Variants in AK4 observed in about 807,000 individuals in gnomAD.
AK4 encodes the protein adenylate kinase 4, mitochondrial.
A neutral mutation model predicts 24.6 loss-of-function variants in AK4; 13 were observed. The observed-to-expected ratio is 0.53, with a 90% CI of 0.34 to 0.84. The LOEUF (loss-of-function observed/expected upper bound fraction) is 0.84, where lower values mean the gene tolerates loss of function less well. AK4 is among the 40% of genes least tolerant of loss of function. The probability of loss-of-function intolerance (pLI) is 0.01; values close to 1 mark genes in which losing one functional copy is unlikely to be tolerated. For synonymous variants in AK4, 88 were observed against 107.0 expected, an observed-to-expected ratio of 0.82 and a Z score of 1.10; for missense variants, 192 against 288.2, an observed-to-expected ratio of 0.67 and a Z score of 2.42.
chr1:65,150,136 T>C (rs1033851627), intron 1 of AK4, among the ~76,000 whole-genome samples: 1 of 152,184 alleles, frequency 6.6e-6, no homozygotes, highest in Non-Finnish European at 1.5e-5. Flanking sequence ...AATGAAGGGC[T>C]TCACACTGTC....
At chr1:65,151,649 G>A (rs150529472) in intron 1 of AK4, among the ~76,000 whole-genome samples, 16 of 152,266 alleles carry the variant, frequency 1.1e-4, no homozygotes, top group African/African-American at 3.4e-4. Context: ...GGAGCTTACC[G>A]AGTCTGTATT....
intron 1 of AK4, among the ~76,000 whole-genome samples, chr1:65,188,438 C>A (rs912200061): frequency 1.3e-5 from 2 of 151,860 alleles, no homozygotes; most frequent in African/African-American, 4.8e-5. Context: ...GATTCTTGAG[C>A]CTTTTTCTAG....
intron 2 of AK4, among the ~76,000 whole-genome samples, chr1:65,213,050 G>T (rs575780463): frequency 1.5e-4 from 23 of 152,148 alleles, no homozygotes; most frequent in Non-Finnish European, 3.2e-4. Context: ...TTCTAGAAAA[G>T]GGCACTCACT....
intron 2 of AK4, among the ~76,000 whole-genome samples, chr1:65,213,070 A>G (rs888681997): frequency 1.3e-5 from 2 of 152,216 alleles, no homozygotes; most frequent in African/African-American, 4.8e-5. Flanking sequence ...TACAGAAAAT[A>G]CCACAAAGCT....
chr1:65,154,852 A>AT (rs71056081), intron 1 of AK4, among the ~76,000 whole-genome samples: 53,553 of 146,768 alleles, frequency 0.36, 11,009 homozygotes, highest in African/African-American at 0.58. Context: ...CATAGGGAGA[A>AT]TTTTTTTTTT....
intron 1 of AK4, among the ~76,000 whole-genome samples, chr1:65,183,451 C>T (rs1296354989): frequency 6.6e-6 from 1 of 152,072 alleles, no homozygotes; most frequent in African/African-American, 2.4e-5. Flanking sequence ...GCCATGTTGG[C>T]CAGTCTGGTC....
intron 1 of AK4, among the ~76,000 whole-genome samples, chr1:65,150,712 G>A (rs1649743266): frequency 6.6e-6 from 1 of 152,140 alleles, no homozygotes; most frequent in African/African-American, 2.4e-5. Flanking sequence ...TATAATGGAA[G>A]GTTTGAAGGA....
At chr1:65,174,456 A>G (rs575872652) in intron 1 of AK4, among the ~76,000 whole-genome samples, 1 of 152,206 alleles carries the variant, frequency 6.6e-6, no homozygotes, top group East Asian at 1.9e-4. Flanking sequence ...AGGACTTATT[A>G]TTATTTTTTT....
intron 3 of AK4, among the ~76,000 whole-genome samples, chr1:65,221,944 G>A (rs1652308541): frequency 6.6e-6 from 1 of 152,172 alleles, no homozygotes; most frequent in Non-Finnish European, 1.5e-5. Flanking sequence ...GGAAAATTTA[G>A]GACACGGACG....
chr1:65,196,559 G>A (rs1162314982), intron 2 of AK4, among the ~76,000 whole-genome samples: 5 of 152,136 alleles, frequency 3.3e-5, no homozygotes, highest in African/African-American at 1.2e-4. Context: ...CTGCCTCCTG[G>A]GTTCAAGCGA....
At chr1:65,165,300 C>T (rs1291004220) in intron 1 of AK4, among the ~76,000 whole-genome samples, 1 of 152,078 alleles carries the variant, frequency 6.6e-6, no homozygotes, top group African/African-American at 2.4e-5. Flanking sequence ...AGAACCGAGC[C>T]TTGAAGGATG....
intron 1 of AK4, chr1:65,154,477 A>G: frequency 1.9e-6 from 1 of 521,452 alleles, no homozygotes; most frequent in Non-Finnish European, 3.8e-6. Flanking sequence ...TCCTGACAGC[A>G]AGATGGGTCA....
intron 2 of AK4, among the ~76,000 whole-genome samples, chr1:65,208,179 A>C (rs1651867090): frequency 6.6e-6 from 1 of 152,166 alleles, no homozygotes; most frequent in Non-Finnish European, 1.5e-5. Context: ...GTTTCTCTGC[A>C]ACCTTGCTGG....
intron 2 of AK4, among the ~76,000 whole-genome samples, chr1:65,218,552 A>G (rs1652199820): frequency 6.6e-6 from 1 of 152,226 alleles, no homozygotes; most frequent in African/African-American, 2.4e-5. Flanking sequence ...TTTTAGATTC[A>G]GAGGATACAT....
At chr1:65,218,998 A>T in intron 3 of AK4, 72 bp downstream of exon 3, 8 of 1,285,268 alleles carry the variant, frequency 6.2e-6, no homozygotes, top group Non-Finnish European at 8.5e-6. Context: ...AAGTGGAGAA[A>T]AGGATATGAG....
intron 1 of AK4, 36 bp from the exon 2 acceptor site, chr1:65,190,674 T>C: frequency 6.2e-7 from 1 of 1,601,240 alleles, no homozygotes; most frequent in South Asian, 1.1e-5. Flanking sequence ...TGGGAAATTT[T>C]CTTGAATACC....
chr1:65,217,477 C>T (rs1343349426), intron 2 of AK4, among the ~76,000 whole-genome samples: 1 of 152,166 alleles, frequency 6.6e-6, no homozygotes, highest in African/African-American at 2.4e-5. Context: ...TTCAGCTCTT[C>T]ATCTACCTGG....
intron 2 of AK4, among the ~76,000 whole-genome samples, chr1:65,209,673 C>T (rs1651914788): frequency 6.6e-6 from 1 of 152,206 alleles, no homozygotes; most frequent in South Asian, 2.1e-4. Flanking sequence ...ACTTGAGACA[C>T]AGATGTAGAT....
At chr1:65,200,406 T>G (rs970795784) in intron 2 of AK4, among the ~76,000 whole-genome samples, 3 of 152,060 alleles carry the variant, frequency 2.0e-5, no homozygotes, top group African/African-American at 7.2e-5. Flanking sequence ...TGAGCCACCG[T>G]GCCCGGTCTA....
Sources: allele counts gnomAD v4.1 joint callset (sites outside exome capture counted in the v4.1 genomes callset), GRCh38; gene constraint gnomAD v4.1.1; transcripts MANE v1.5; gene names NCBI Gene and HGNC (gene_info 2026-07-23, HGNC 2026-07-21).